The following KDM6B variants were observed in gnomAD, a reference collection of about 807,000 sequenced individuals.
The protein encoded by KDM6B is lysine demethylase 6B.
A neutral mutation model predicts 150.4 loss-of-function variants in KDM6B; 22 were observed. That is an observed-to-expected ratio of 0.15 (90% CI 0.10 to 0.21). KDM6B has a LOEUF of 0.21. Ranked by LOEUF, KDM6B falls within the 10% of genes least tolerant of loss-of-function variation. The pLI is 1.00. For missense variants in KDM6B, 1,984 were observed against 2,234.3 expected (o/e 0.89, Z 2.26); for synonymous variants, 1,148 against 921.1 (o/e 1.25, Z -4.46).
chr17:7,851,979 C>G lies in KDM6B; in HGVS notation c.4194C>G (p.Ser1398=), dbSNP rs1191398608. The G allele has an allele frequency of 1.9e-6, 3 of 1,613,908 alleles. No individual in the cohort carries two copies. Among genetic ancestry groups the G allele is most frequent in the Non-Finnish European group, 2.5e-6 (3 of 1,180,032 alleles). The part of the protein sequence containing the change: ...PGHQENNNFC[S]VNINIGPGDC... ...ACCAGGAGAATAACAACTTCTGCTC[C>G]GTCAACATCAACATTGGCCCAGGCG... is the stretch of plus-strand genomic sequence containing the variant. The change falls in exon 19 of 24, where the codon TCC becomes TCG. Residue 1398 remains serine (S), a synonymous_variant. Transcript: ENST00000448097.
At chr17:7,842,742 CTG>C (rs1186395606) in intron 2 of KDM6B, among the ~76,000 whole-genome samples, 1 of 151,888 alleles carries the variant, frequency 6.6e-6, no homozygotes, top group Non-Finnish European at 1.5e-5. Context: ...CTGCCTCTGA[CTG>C]TGTGTCTGTG....
Position 7,846,579 on chromosome 17 carries a change from C to G in KDM6B, c.550C>G (p.His184Asp). The change falls in exon 9 of 24, where the codon CAC becomes GAC. Residue 184 changes from histidine to aspartate, a missense_variant and splice_region_variant. By Grantham distance (81) the His-to-Asp change is moderately conservative (BLOSUM62 -1). This residue lies in a region of KDM6B where 337 missense variants were observed against 323.9 expected (regional missense o/e 1.04). Coordinates refer to ENST00000448097, the MANE Select transcript of KDM6B (RefSeq NM_001348716.2). Reference sequence around the variant, plus strand: ...TTCTCTTCTCTCTTTTTGTTCTCAGCACAAACGGAACTATGGAGCCAAGCG... The same window carrying G: ...TTCTCTTCTCTCTTTTTGTTCTCAGGACAAACGGAACTATGGAGCCAAGCG... ...EQVWNLLHLEHKRNYGAKRGG... is the reference protein window; with the variant it reads ...EQVWNLLHLEDKRNYGAKRGG... 6.2e-7 allele frequency: 1 copy of G among 1,614,082 alleles called. No individual in the cohort carries two copies. The highest frequency in any genetic ancestry group is 8.5e-7 in the Non-Finnish European group (1 of 1,179,996).
At position 7,835,533 on chromosome 17, in the gene KDM6B, C is replaced by G. The variant is rs2078317667; in HGVS notation, c.-388+1183C>G. Among the ~76,000 whole-genome samples the G allele has an allele frequency of 2.6e-5, 4 of 152,092 alleles. No homozygotes were observed. In the South Asian group the frequency reaches 6.2e-4, roughly 24 times the overall value. ...TCCCCTGGGTTGCTTGTCCTGTTGC[C>G]AGAGTAACTGGAGGGCGAGACTTGG... On this transcript the variant is annotated intron_variant, in intron 1 of 23. Coordinates refer to ENST00000448097, the MANE Select transcript of KDM6B (RefSeq NM_001348716.2).
rs760632279 is a variant in KDM6B at position 7,845,856 on chromosome 17, C to T, written c.138-16C>T. 20 of 1,609,846 alleles carry T rather than the reference C, an allele frequency of 1.2e-5. No homozygotes were observed. The highest frequency in any genetic ancestry group is 1.1e-5 in the South Asian group (1 of 91,026). On this transcript the variant is annotated splice_polypyrimidine_tract_variant and intron_variant, in intron 5 of 23. Transcript: ENST00000448097. ...GCTCCTTTTTGCCGTATATAACAGA[C>T]TCCTTCTCTCTCCAGATGCTCAGCC...
In KDM6B at chr17:7,848,644, C is replaced by A; in HGVS notation, c.2356C>A (p.Pro786Thr). The A allele has an allele frequency of 3.1e-6, 5 of 1,602,276 alleles. No homozygotes were observed. Among genetic ancestry groups the A allele is most frequent in the Non-Finnish European group, 4.3e-6 (5 of 1,174,952 alleles). ...PPPPPLAKFP[P>T]PSQPQPPPPP... is the part of the protein sequence containing the mutation. The stretch of plus-strand genomic sequence containing the variant: ...ACCACCGCCTCTAGCCAAGTTCCCT[C>A]CACCCTCTCAGCCACAGCCACCACC... Residue 786 changes from proline (P) to threonine (T), a missense_variant, in exon 12 of 24, where the codon CCA becomes ACA. Transcript: ENST00000448097.
Position 7,845,302 on chromosome 17 carries a change from C to T in KDM6B, c.-148-12C>T, listed in dbSNP as rs2078509109. 1.7e-6 allele frequency: 1 copy of T among 601,928 alleles called. No individual in the cohort carries two copies. The highest frequency in any genetic ancestry group is 3.0e-6 in the Non-Finnish European group (1 of 335,370). 37.3% of individuals were successfully genotyped at this position (601,928 alleles called of 1,614,324 possible). A position where few individuals can be genotyped will look rare whatever the true frequency, so the allele number is the denominator to read the frequency against. Reference sequence around the variant, plus strand: ...CTGGCCAGCTCGTCTCACTCCTTTTCCTTCTCTCTAGAATTGGCTGTGAAA... The same window carrying T: ...CTGGCCAGCTCGTCTCACTCCTTTTTCTTCTCTCTAGAATTGGCTGTGAAA... On this transcript the variant is annotated splice_polypyrimidine_tract_variant and intron_variant, in intron 3 of 23. Transcript: ENST00000448097.
At position 7,844,535 on chromosome 17, in the gene KDM6B, G is replaced by A. The variant is rs983006319; in HGVS notation, c.-268-366G>A. ...ACTGGGCGAGGTGAAGTGAGGAAGG[G>A]GAGGGACGTCTTTTTTGCGTTCTGC... On this transcript the variant is annotated intron_variant, in intron 2 of 23. Transcript: ENST00000448097. The surrounding 1 kb of genome is among the most constrained non-coding windows in gnomAD (Gnocchi z 5.9). 6.6e-6 allele frequency among the ~76,000 whole-genome samples: 1 copy of A among 152,160 alleles called. No homozygotes were observed. Among genetic ancestry groups the A allele is most frequent in the Admixed American group, 6.5e-5 (1 of 15,286 alleles).
chr17:7,847,863 C>G lies in KDM6B; in HGVS notation c.1575C>G (p.Phe525Leu). 7.7e-7 allele frequency: 1 copy of G among 1,293,034 alleles called. No individual in the cohort carries two copies. The highest frequency in any genetic ancestry group is 1.8e-5 in the African/African-American group (1 of 56,954). 80.1% of individuals were successfully genotyped at this position (1,293,034 alleles called of 1,614,324 possible). ...CACCCCTCCCCCATCGCGAGGGCTT[C>G]TTGGGGCCTCCGGCCTCCCGCTTTT... is the stretch of plus-strand genomic sequence containing the variant. ...APPPLPHREG[F>L]LGPPASRFSV... The change falls in exon 12 of 24, where the codon TTC becomes TTG. Residue 525 changes from phenylalanine to leucine, a missense_variant. Physicochemically the swap from Phe to Leu is conservative, Grantham distance 22. Around this residue, in one of 13 missense-constraint regions of KDM6B, gnomAD observed 1,379 missense variants for 1,275.6 expected, o/e 1.08. Transcript: ENST00000448097.
Position 7,849,226 on chromosome 17 carries a change from CAGA to C in KDM6B, c.2941_2943del (p.Lys981del), listed in dbSNP as rs2078638595. 6.3e-7 allele frequency: 1 copy of C among 1,582,538 alleles called. No homozygotes were observed. The highest frequency in any genetic ancestry group is 1.8e-5 in the Admixed American group (1 of 56,380). On this transcript the variant is annotated inframe_deletion, in exon 12 of 24. Coordinates refer to ENST00000448097, the MANE Select transcript of KDM6B (RefSeq NM_001348716.2). The stretch of plus-strand genomic sequence containing the variant: ...CTGTAAGCGGCGACAGAAGGAGCAT[CAGA>C]AGGAGCATCGGCGGCACAGGCGGGC...
rs116848710 is a variant in KDM6B at position 7,836,133 on chromosome 17, T to C, written c.-388+1783T>C. Among the ~76,000 whole-genome samples, 1,815 of 152,338 alleles carry C rather than the reference T, an allele frequency of 0.012. 128 individuals are homozygous for C. The East Asian group carries it at 0.2, about 17-fold the overall frequency. On this transcript the variant is annotated intron_variant, in intron 1 of 23. Coordinates refer to ENST00000448097, the MANE Select transcript of KDM6B (RefSeq NM_001348716.2). The stretch of plus-strand genomic sequence containing the variant: ...GCTTCTCCCGCCCGGGCCCAGCTGC[T>C]GTTGGTGGCGGAGGAGGGCACTGCG...
Position 7,847,440 on chromosome 17 carries a change from G to C in KDM6B, c.1245G>C (p.Pro415=), listed in dbSNP as rs143694570. Residue 415 remains proline (P), a synonymous_variant, in exon 11 of 24, where the codon CCG becomes CCC. Coordinates refer to ENST00000448097, the MANE Select transcript of KDM6B (RefSeq NM_001348716.2). ...SSNTGLRGVE[P]NPGIPGADHY... ...ACACTGGTCTCCGGGGCGTGGAGCC[G>C]AACCCAGGCATTGTGAGTGACAACT... 1.9e-6 allele frequency: 3 copies of C among 1,613,634 alleles called. 1 individual carries two copies. The highest frequency in any genetic ancestry group is 2.2e-5 in the South Asian group (2 of 91,080).
In KDM6B at chr17:7,844,402, G is replaced by A. The variant is rs753345399; in HGVS notation, c.-268-499G>A. On this transcript the variant is annotated intron_variant, in intron 2 of 23. Coordinates refer to ENST00000448097, the MANE Select transcript of KDM6B (RefSeq NM_001348716.2). The surrounding 1 kb of genome is among the most constrained non-coding windows in gnomAD (Gnocchi z 5.9). ...AGGTTTGGGTCGGGGTCAGGCGTTG[G>A]GGGTGGAGCGCCGATAGCGGCGCGG... is the stretch of plus-strand genomic sequence containing the variant. The A allele has an allele frequency of 1.2e-4, 19 of 152,618 alleles. No homozygotes were observed. The highest frequency in any genetic ancestry group is 2.0e-4 in the Non-Finnish European group (14 of 68,328). 9.5% of individuals were successfully genotyped at this position (152,618 alleles called of 1,614,324 possible). A position where few individuals can be genotyped will look rare whatever the true frequency, so the allele number is the denominator to read the frequency against.
chr17:7,838,080 T>C (rs1316050521), intron 1 of KDM6B, among the ~76,000 whole-genome samples: 1 of 151,570 alleles, frequency 6.6e-6, no homozygotes, highest in Non-Finnish European at 1.5e-5. Flanking sequence ...ATTATGGTTC[T>C]TGATTTTGAA....
intron 5 of KDM6B, 26 bp downstream of exon 5, chr17:7,845,717 C>T (rs369992158): frequency 9.3e-6 from 15 of 1,613,948 alleles, no homozygotes; most frequent in African/African-American, 8.0e-5. Context: ...CCTCTGTCTC[C>T]AGGCACACCT....
chr17:7,844,660 G>T lies in KDM6B; in HGVS notation c.-268-241G>T, dbSNP rs1208313218. 2.0e-5 allele frequency among the ~76,000 whole-genome samples: 3 copies of T among 152,204 alleles called. No homozygotes were observed. Among genetic ancestry groups the T allele is most frequent in the Non-Finnish European group, 2.9e-5 (2 of 68,032 alleles). Reference sequence around the variant, plus strand: ...GGCTCTGGGTGCTTGAGGCTTGCGGGTAGCGCCGGCCCCCACGCCGGCCGG... The same window carrying T: ...GGCTCTGGGTGCTTGAGGCTTGCGGTTAGCGCCGGCCCCCACGCCGGCCGG... On this transcript the variant is annotated intron_variant, in intron 2 of 23. Coordinates refer to ENST00000448097, the MANE Select transcript of KDM6B (RefSeq NM_001348716.2). This position sits in a 1 kb window ranked among gnomAD's most constrained non-coding sequence, Gnocchi z 5.9.
At chr17:7,852,416 C>T in intron 20 of KDM6B, 79 bp from the exon 21 acceptor site, 2 of 1,289,396 alleles carry the variant, frequency 1.6e-6, no homozygotes, top group African/African-American at 2.8e-5. Flanking sequence ...GGAGAGCCGC[C>T]AGCAGTGAGG....
chr17:7,846,003 A>C, intron 6 of KDM6B, 33 bp downstream of exon 6: 1 of 1,606,346 alleles, frequency 6.2e-7, no homozygotes, highest in East Asian at 2.2e-5. Context: ...TGGGAGTGGG[A>C]GGTAAGGCTG....
Position 7,848,718 on chromosome 17 carries a change from G to A in KDM6B, c.2430G>A (p.Val810=). 1.9e-6 allele frequency: 3 copies of A among 1,612,850 alleles called. No individual in the cohort carries two copies. Among genetic ancestry groups the A allele is most frequent in the Non-Finnish European group, 1.7e-6 (2 of 1,179,970 alleles). Residue 810 remains valine, a synonymous_variant, in exon 12 of 24, where the codon GTG becomes GTA. Transcript: ENST00000448097. ...GCCTGCTCAAATCCTTGGCCTCCGT[G>A]CTGGAGGGACAAAAGTACTGTTATC... ...PASLLKSLAS[V]LEGQKYCYRG...
At chr17:7,834,644 C>T (rs2078294957) in intron 1 of KDM6B, among the ~76,000 whole-genome samples, 3 of 145,120 alleles carry the variant, frequency 2.1e-5, no homozygotes, top group African/African-American at 4.9e-5. Flanking sequence ...CGGGGCGGGG[C>T]GGGGCGCGGC....
Sources: allele counts gnomAD v4.1 joint callset (sites outside exome capture counted in the v4.1 genomes callset), GRCh38; gene constraint gnomAD v4.1.1; regional missense constraint gnomAD v4.1.1; non-coding constraint Gnocchi (gnomAD v3.1); transcripts MANE v1.5; gene names NCBI Gene and HGNC (gene_info 2026-07-23, HGNC 2026-07-21).